PRDM11: variants seen among roughly 807,000 people sequenced by gnomAD.
PRDM11 encodes PR domain-containing protein 11.
Under a neutral mutation model 97.8 loss-of-function variants are expected in PRDM11, and 20 were observed. That is an observed-to-expected ratio of 0.20 (90% CI 0.14 to 0.30). The LOEUF (loss-of-function observed/expected upper bound fraction) is 0.30. Ranked by LOEUF, PRDM11 falls within the 10% of genes least tolerant of loss-of-function variation. The pLI, the probability that PRDM11 is intolerant of heterozygous loss-of-function variation, is 1.00. For synonymous variants in PRDM11, 599 were observed against 637.7 expected (o/e 0.94, Z 0.91); for missense variants, 1,139 against 1,555.2 (o/e 0.73, Z 4.50).
chr11:45,153,588 C>A (rs1296978677), intron 1 of PRDM11, among the ~76,000 whole-genome samples: 1 of 152,198 alleles, frequency 6.6e-6, no homozygotes, highest in Admixed American at 6.5e-5. Context: ...GACAGCAGTG[C>A]CTGAATACAA....
At chr11:45,196,932 T>C (rs10769126) in intron 4 of PRDM11, among the ~76,000 whole-genome samples, 89,900 of 152,050 alleles carry the variant, frequency 0.59, 29,093 homozygotes, top group Non-Finnish European at 0.74. Context: ...GGATGCACAG[T>C]CTAATGGAAC....
At chr11:45,204,850 AC>A in intron 5 of PRDM11, 72 bp downstream of exon 5, 1 of 1,477,374 alleles carries the variant, frequency 6.8e-7, no homozygotes, top group Non-Finnish European at 9.5e-7. Context: ...AGTGTGTTGG[AC>A]CTGTGGGAGC....
chr11:45,220,381 G>A (rs569314098), intron 6 of PRDM11, among the ~76,000 whole-genome samples: 5 of 152,200 alleles, frequency 3.3e-5, no homozygotes, highest in Non-Finnish European at 7.3e-5. Context: ...TGCACCCTGA[G>A]AAGTAGATGG....
Position 45,226,636 on chromosome 11 carries a change from G to T in PRDM11, c.2011G>T (p.Ala671Ser), listed in dbSNP as rs1355359071. The T allele has an allele frequency of 5.2e-6, 8 of 1,533,854 alleles. No individual in the cohort carries two copies. The highest frequency in any genetic ancestry group is 1.2e-5 in the South Asian group (1 of 83,970). ...ILDGQSDDLL[A>S]DTVAVYVQYT... ...GGATGGGCAGAGCGACGACCTGCTG[G>T]CCGACACGGTGGCTGTCTATGTTCA... is the stretch of plus-strand genomic sequence containing the variant. The change falls in exon 8 of 8, where the codon GCC (alanine) becomes TCC (serine). Residue 671 changes from alanine (A) to serine (S), a missense_variant. Around this residue, in one of 2 missense-constraint regions of PRDM11, gnomAD observed 710 missense variants for 1,044.9 expected, o/e 0.68. Coordinates refer to ENST00000683152, the MANE Select transcript of PRDM11 (RefSeq NM_001384648.1).
At chr11:45,222,248 A>G (rs1229976549) in intron 6 of PRDM11, among the ~76,000 whole-genome samples, 1 of 152,210 alleles carries the variant, frequency 6.6e-6, no homozygotes, top group Non-Finnish European at 1.5e-5. Context: ...CATGATGCTT[A>G]AAGGTCTCTT....
intron 1 of PRDM11, among the ~76,000 whole-genome samples, chr11:45,171,080 G>T (rs575786977): frequency 7.8e-4 from 119 of 151,648 alleles, no homozygotes; most frequent in South Asian, 5.6e-3. Context: ...TGGGTTTTTT[G>T]TTGTTGTTGT....
intron 4 of PRDM11, among the ~76,000 whole-genome samples, chr11:45,195,568 CT>C (rs199927421): frequency 2.5e-4 from 37 of 146,540 alleles, no homozygotes; most frequent in Admixed American, 6.1e-4. Context: ...TACTTTCTTT[CT>C]TTTTTTTTTT....
intron 1 of PRDM11, among the ~76,000 whole-genome samples, chr11:45,180,863 G>GC (rs1054507496): frequency 1.5e-4 from 23 of 151,842 alleles, no homozygotes; most frequent in African/African-American, 5.5e-4. Flanking sequence ...CCCACCGCGC[G>GC]CCCCCGGCCC....
At chr11:45,147,197 C>G (rs1162331052) in intron 1 of PRDM11, 1 of 151,892 alleles carries the variant, frequency 6.6e-6, no homozygotes, top group African/African-American at 2.4e-5. Context: ...CCTTTTCTCT[C>G]CGCAAGCGGC....
At chr11:45,147,201 A>G (rs1442424330) in intron 1 of PRDM11, 3 of 151,512 alleles carry the variant, frequency 2.0e-5, no homozygotes, top group Admixed American at 1.3e-4. Flanking sequence ...TTCTCTCCGC[A>G]AGCGGCGCGC....
At chr11:45,166,541 G>A (rs557108542) in intron 1 of PRDM11, among the ~76,000 whole-genome samples, 2 of 152,212 alleles carry the variant, frequency 1.3e-5, no homozygotes, top group Non-Finnish European at 2.9e-5. Context: ...GACACCAGGG[G>A]GCCTGGATGC....
At chr11:45,138,359 A>C (rs1448058325) in intron 1 of PRDM11, among the ~76,000 whole-genome samples, 1 of 152,198 alleles carries the variant, frequency 6.6e-6, no homozygotes, top group African/African-American at 2.4e-5. Flanking sequence ...TACACTCAGG[A>C]GTGCAAGACC....
intron 1 of PRDM11, among the ~76,000 whole-genome samples, chr11:45,174,943 A>T (rs1008486485): frequency 6.6e-6 from 1 of 152,220 alleles, no homozygotes; most frequent in Non-Finnish European, 1.5e-5. Flanking sequence ...TAATGGAATT[A>T]TTTTGTATCT....
At chr11:45,192,503 C>A (rs1306997673) in intron 4 of PRDM11, among the ~76,000 whole-genome samples, 1 of 152,194 alleles carries the variant, frequency 6.6e-6, no homozygotes, top group African/African-American at 2.4e-5. Context: ...TGCTCATGAA[C>A]CAGTTCTGGC....
chr11:45,108,260 T>A (rs1484582224), intron 1 of PRDM11, among the ~76,000 whole-genome samples: 1 of 152,176 alleles, frequency 6.6e-6, no homozygotes, highest in Non-Finnish European at 1.5e-5. Flanking sequence ...TAATTCCCCA[T>A]GAGTGTGACC....
At chr11:45,154,261 C>T (rs1166292084) in intron 1 of PRDM11, among the ~76,000 whole-genome samples, 6 of 152,146 alleles carry the variant, frequency 3.9e-5, no homozygotes, top group Admixed American at 2.0e-4. Context: ...GAGGCTGAGG[C>T]GGGAAGATCA....
At chr11:45,202,546 G>T (rs978751322) in intron 4 of PRDM11, among the ~76,000 whole-genome samples, 10 of 152,138 alleles carry the variant, frequency 6.6e-5, no homozygotes, top group Non-Finnish European at 1.5e-4. Context: ...TGTTCACTTG[G>T]GTGCCATTTC....
Position 45,101,567 on chromosome 11 carries a change from A to AAAAAAAGAAGAAG in PRDM11, c.96+5668_96+5669insAAAAGAAGAAGAA, listed in dbSNP as rs767802218. The stretch of plus-strand genomic sequence containing the variant: ...CAACACTCTGTCTCAAAAAAAAAAA[A>AAAAAAAGAAGAAG]AAGAAGAAGAAGAAGAAGAAGAAGA... On this transcript the variant is annotated intron_variant, in intron 1 of 6. Coordinates refer to the PRDM11 transcript ENST00000530656. Among the ~76,000 whole-genome samples, 16 of 96,862 alleles carry AAAAAAAGAAGAAG rather than the reference A, an allele frequency of 1.7e-4. 1 individual carries two copies. The highest frequency in any genetic ancestry group is 7.3e-4 in the African/African-American group (15 of 20,548). The allele number at this position is 96,862 out of a possible 152,430, so 63.5% of individuals were successfully genotyped here.
chr11:45,168,311 C>T, intron 1 of PRDM11, among the ~76,000 whole-genome samples: 1 of 152,220 alleles, frequency 6.6e-6, no homozygotes, highest in Non-Finnish European at 1.5e-5. Flanking sequence ...TCCTGTGGTC[C>T]AGACAGGGGT....
Sources: gnomAD v4.1 joint callset for allele counts (sites outside exome capture counted in the v4.1 genomes callset) on GRCh38, gnomAD v4.1.1 for gene constraint, gnomAD v4.1.1 regional missense constraint, MANE v1.5 for transcripts, NCBI Gene and HGNC (gene_info 2026-07-23, HGNC 2026-07-21) for gene names.